CNOT2: variants seen among roughly 807,000 people sequenced by gnomAD.
CNOT2 encodes CC chemokine receptor 4-negative regulator of transcription 2.
A neutral mutation model predicts 72.1 loss-of-function variants in CNOT2; 7 were observed. The observed-to-expected ratio is 0.10, with a 90% CI of 0.06 to 0.18. CNOT2 has a LOEUF of 0.18. Among genes scored for constraint, CNOT2 ranks in the 10% least tolerant of loss-of-function variants. The pLI is 1.00. For synonymous variants in CNOT2, 196 were observed against 225.6 expected (o/e 0.87, Z 1.17); for missense variants, 345 against 660.3 (o/e 0.52, Z 5.23).
At chr12:70,284,575 C>CTT (rs1870531525) in intron 2 of CNOT2, among the ~76,000 whole-genome samples, 2 of 140,546 alleles carry the variant, frequency 1.4e-5, no homozygotes, top group African/African-American at 5.2e-5. Flanking sequence ...TAAAATTTGA[C>CTT]CTTTTTTTTT....
chr12:70,253,068 A>G (rs989138635), intron 1 of CNOT2, among the ~76,000 whole-genome samples: 2 of 152,214 alleles, frequency 1.3e-5, no homozygotes, highest in African/African-American at 4.8e-5. Context: ...CTGTGAAGTA[A>G]GATGTGTAAT....
At chr12:70,277,972 T>C (rs996338528) in intron 1 of CNOT2, among the ~76,000 whole-genome samples, 160 bp from the exon 2 acceptor site, 2 of 152,204 alleles carry the variant, frequency 1.3e-5, no homozygotes, top group African/African-American at 4.8e-5. Flanking sequence ...GCAAATAAAG[T>C]ATGCCAGTCT....
intron 1 of CNOT2, among the ~76,000 whole-genome samples, chr12:70,249,556 C>G (rs1958038313): frequency 6.6e-6 from 1 of 151,756 alleles, no homozygotes; most frequent in African/African-American, 2.4e-5. Flanking sequence ...TAGAGAAAAT[C>G]GTGATTTATT....
chr12:70,302,875 A>T (rs1874348156), intron 2 of CNOT2, among the ~76,000 whole-genome samples: 1 of 152,092 alleles, frequency 6.6e-6, no homozygotes. Flanking sequence ...GTCACTAAGG[A>T]CTTGCTTTAT....
At chr12:70,292,185 T>C (rs1322884258) in intron 2 of CNOT2, among the ~76,000 whole-genome samples, 1 of 152,180 alleles carries the variant, frequency 6.6e-6, no homozygotes, top group Non-Finnish European at 1.5e-5. Flanking sequence ...AATATATGCA[T>C]CACATATGAT....
chr12:70,271,442 C>G (rs1211663623), intron 1 of CNOT2, among the ~76,000 whole-genome samples: 1 of 141,956 alleles, frequency 7.0e-6, no homozygotes, highest in Non-Finnish European at 1.5e-5. Flanking sequence ...GGCACAATCT[C>G]AGCTCACTGC....
chr12:70,319,165 GTT>G (rs2135984463), intron 3 of CNOT2, 131 bp from the exon 4 acceptor site: 2 of 656,450 alleles, frequency 3.0e-6, no homozygotes, highest in South Asian at 5.6e-5. Context: ...TAGAATGTTT[GTT>G]TTATGTTTTT....
intron 1 of CNOT2, among the ~76,000 whole-genome samples, chr12:70,263,303 CTCCTT>C (rs1483381383): frequency 1.3e-5 from 2 of 152,066 alleles, no homozygotes; most frequent in Admixed American, 1.3e-4. Flanking sequence ...TCTTTTCTCT[CTCCTT>C]TCTTCTTACT....
At chr12:70,290,041 C>CT (rs1222313629) in intron 2 of CNOT2, among the ~76,000 whole-genome samples, 4 of 151,168 alleles carry the variant, frequency 2.6e-5, no homozygotes, top group South Asian at 2.1e-4. Context: ...TCTTTTTTTT[C>CT]TTTTTTTTAG....
At position 70,344,114 on chromosome 12, in the gene CNOT2, T is replaced by C. The variant is rs1350852684; in HGVS notation, c.1291-14T>C. ...TTGTTTTATATTTCAGAATAAGTTA[T>C]TTTTCTTTTTCAGCTGGCTGCAATA... On this transcript the variant is annotated splice_polypyrimidine_tract_variant and intron_variant, in intron 13 of 15. Coordinates refer to ENST00000229195, the MANE Select transcript of CNOT2 (RefSeq NM_014515.7). 2.6e-6 allele frequency: 4 copies of C among 1,566,544 alleles called. No individual in the cohort carries two copies. The highest frequency in any genetic ancestry group is 1.7e-4 in the Middle Eastern group (1 of 5,774).
intron 14 of CNOT2, 84 bp from the exon 15 acceptor site, chr12:70,346,094 TCC>T: frequency 1.2e-6 from 1 of 843,694 alleles, no homozygotes; most frequent in African/African-American, 1.7e-5. Context: ...ATTTTTTTTT[TCC>T]GGAGGAAAGC....
chr12:70,334,984 A>G (rs1880477225), intron 7 of CNOT2: 1 of 154,988 alleles, frequency 6.5e-6, no homozygotes, highest in Non-Finnish European at 1.4e-5. Context: ...CCTGTGCCTC[A>G]GCTATATCTT....
chr12:70,290,120 C>A (rs1010668575), intron 2 of CNOT2, among the ~76,000 whole-genome samples: 1 of 151,638 alleles, frequency 6.6e-6, no homozygotes, highest in Admixed American at 6.6e-5. Context: ...CAATTCTTTT[C>A]TGAATTATGT....
At chr12:70,305,010 C>T (rs1047035268) in intron 2 of CNOT2, among the ~76,000 whole-genome samples, 2 of 152,310 alleles carry the variant, frequency 1.3e-5, no homozygotes, top group East Asian at 3.9e-4. Flanking sequence ...TTTTGTTAAA[C>T]CTGTTGGAAA....
intron 1 of CNOT2, among the ~76,000 whole-genome samples, chr12:70,249,261 A>T (rs1038356395): frequency 6.6e-6 from 1 of 152,006 alleles, no homozygotes; most frequent in Admixed American, 6.6e-5. Context: ...TTCATAGGTC[A>T]GTAAAATAAA....
chr12:70,293,552 C>G (rs140634531), intron 2 of CNOT2, among the ~76,000 whole-genome samples: 244 of 152,128 alleles, frequency 1.6e-3, no homozygotes, highest in African/African-American at 5.6e-3. Flanking sequence ...GTTAAAGTGC[C>G]AGGTTTTTTT....
chr12:70,338,324 GTAA>G (rs1248955631), intron 9 of CNOT2, 116 bp from the exon 10 acceptor site: 1 of 811,828 alleles, frequency 1.2e-6, no homozygotes, highest in African/African-American at 1.7e-5. Flanking sequence ...TGAAAAACAG[GTAA>G]TAATTTAACT....
rs1397049698 is a variant in CNOT2 at position 70,266,433 on chromosome 12, T to C, written c.-95-11699T>C. Among the ~76,000 whole-genome samples the C allele has an allele frequency of 8.5e-5, 13 of 152,232 alleles. No homozygotes were observed. In the South Asian group the frequency reaches 1.0e-3, roughly 12 times the overall value. ...CCACAGCACCCGGCCGTTGAAATTA[T>C]ATTCTATAAATGTCAATTAGATCTA... On this transcript the variant is annotated intron_variant, in intron 1 of 15. Coordinates refer to ENST00000229195, the MANE Select transcript of CNOT2 (RefSeq NM_014515.7).
At chr12:70,285,882 C>T (rs1489192871) in intron 2 of CNOT2, among the ~76,000 whole-genome samples, 1 of 152,008 alleles carries the variant, frequency 6.6e-6, no homozygotes, top group East Asian at 1.9e-4. Flanking sequence ...GAGATTTTGT[C>T]AACCTCATAA....
Sources: gnomAD v4.1 joint callset for allele counts (sites outside exome capture counted in the v4.1 genomes callset) on GRCh38, gnomAD v4.1.1 for gene constraint, MANE v1.5 for transcripts, NCBI Gene and HGNC (gene_info 2026-07-23, HGNC 2026-07-21) for gene names.